Variants in UBE2G1 observed in about 807,000 individuals in gnomAD.
The protein encoded by UBE2G1 is ubiquitin-conjugating enzyme E2 G1.
In UBE2G1, 5 loss-of-function variants were observed where a neutral mutation model predicts 22.7. The ratio of observed to expected loss-of-function variants is 0.22; its 90% confidence interval spans 0.12 to 0.46. The LOEUF is 0.46. Ranked by LOEUF, UBE2G1 falls within the 20% of genes least tolerant of loss-of-function variation. The pLI, the probability that UBE2G1 is intolerant of heterozygous loss-of-function variation, is 0.99. For synonymous variants in UBE2G1, 74 were observed against 67.5 expected (o/e 1.10, Z -0.47); for missense variants, 88 against 203.9 (o/e 0.43, Z 3.46).
intron 1 of UBE2G1, among the ~76,000 whole-genome samples, chr17:4,310,812 C>T (rs949178412): frequency 6.6e-6 from 1 of 151,894 alleles, no homozygotes; most frequent in African/African-American, 2.4e-5. Context: ...AAGTGTACCT[C>T]GAGTATATAG....
chr17:4,346,881 G>A (rs1009336801), intron 1 of UBE2G1, among the ~76,000 whole-genome samples: 5 of 151,972 alleles, frequency 3.3e-5, no homozygotes, highest in East Asian at 1.9e-4. Context: ...GATCAGACGC[G>A]GTGGCTCATG....
Position 4,279,777 on chromosome 17 carries a change from A to C in UBE2G1, c.*37+3021T>G, listed in dbSNP as rs1307591372. Among the ~76,000 whole-genome samples, 39 of 96,622 alleles carry C rather than the reference A, an allele frequency of 4.0e-4. No homozygotes were observed. The East Asian group carries it at 4.9e-3, about 12-fold the overall frequency. The allele number at this position is 96,622 out of a possible 152,430, so 63.4% of individuals were successfully genotyped here. A position where few individuals can be genotyped will look rare whatever the true frequency, so the allele number is the denominator to read the frequency against. On this transcript the variant is annotated intron_variant, in intron 5 of 5. Coordinates refer to ENST00000396981, the MANE Select transcript of UBE2G1 (RefSeq NM_003342.5). ...GCGACACAGCGAAACTCTGCCCCCA[A>C]AAAAAAGTTATATATATATATATAT...
rs970688282 is a variant in UBE2G1 at position 4,331,408 on chromosome 17, T to C, written c.47-24285A>G. On this transcript the variant is annotated intron_variant, in intron 1 of 5. Transcript: ENST00000396981. Reference sequence around the variant, plus strand: ...AGTAGCAGCATATGAAGGAATGCTATGCATCTATTTAAAATACTTTACAAG... The same window carrying C: ...AGTAGCAGCATATGAAGGAATGCTACGCATCTATTTAAAATACTTTACAAG... Among the ~76,000 whole-genome samples, 3 of 152,202 alleles carry C rather than the reference T, an allele frequency of 2.0e-5. No homozygotes were observed. The South Asian group carries it at 6.2e-4, about 31-fold the overall frequency.
intron 1 of UBE2G1, among the ~76,000 whole-genome samples, chr17:4,329,867 CTT>C (rs1489405769): frequency 2.0e-5 from 3 of 150,208 alleles, no homozygotes; most frequent in African/African-American, 7.4e-5. Flanking sequence ...GTAAGGTTCT[CTT>C]AGACTAAAAC....
intron 3 of UBE2G1, among the ~76,000 whole-genome samples, chr17:4,292,556 T>A (rs1969054681): frequency 6.6e-6 from 1 of 152,166 alleles, no homozygotes; most frequent in Admixed American, 6.5e-5. Context: ...GATAGCATAT[T>A]TATTCTCCTG....
intron 1 of UBE2G1, among the ~76,000 whole-genome samples, chr17:4,360,702 G>A (rs958358378): frequency 1.3e-5 from 2 of 151,304 alleles, no homozygotes; most frequent in Admixed American, 6.6e-5. Flanking sequence ...GCCTAAGACC[G>A]GGAGTTCAAG....
At chr17:4,326,028 AAG>A (rs1969501297) in intron 1 of UBE2G1, among the ~76,000 whole-genome samples, 1 of 152,204 alleles carries the variant, frequency 6.6e-6, no homozygotes, top group African/African-American at 2.4e-5. Flanking sequence ...GCGAAAAAAT[AAG>A]AGAAAATCTT....
chr17:4,345,082 A>T (rs1250919140), intron 1 of UBE2G1, among the ~76,000 whole-genome samples: 1 of 152,190 alleles, frequency 6.6e-6, no homozygotes, highest in African/African-American at 2.4e-5. Flanking sequence ...ATGATGTCAC[A>T]TTAAAGCAAG....
chr17:4,298,618 T>C (rs1969138063), intron 2 of UBE2G1, among the ~76,000 whole-genome samples: 1 of 152,100 alleles, frequency 6.6e-6, no homozygotes. Flanking sequence ...ACTCAGAGTA[T>C]AAAGTCAGTG....
chr17:4,290,883 C>G (rs1969028434), intron 3 of UBE2G1, among the ~76,000 whole-genome samples: 1 of 149,740 alleles, frequency 6.7e-6, no homozygotes, highest in Non-Finnish European at 1.5e-5. Flanking sequence ...CCGACAAATA[C>G]TTTTTCAATG....
chr17:4,330,123 G>A (rs988178428), intron 1 of UBE2G1, among the ~76,000 whole-genome samples: 4 of 151,866 alleles, frequency 2.6e-5, no homozygotes, highest in African/African-American at 9.7e-5. Context: ...ATGCATCTAC[G>A]AAGTTTTACA....
At chr17:4,306,513 T>C (rs747525790) in intron 2 of UBE2G1, among the ~76,000 whole-genome samples, 2 of 151,876 alleles carry the variant, frequency 1.3e-5, no homozygotes, top group South Asian at 2.1e-4. Context: ...TTAATAGCAA[T>C]AGGTCTTAGA....
chr17:4,295,449 C>T (rs1969098698), intron 3 of UBE2G1, among the ~76,000 whole-genome samples: 2 of 152,212 alleles, frequency 1.3e-5, no homozygotes, highest in South Asian at 2.1e-4. Context: ...CAAGCCTTGG[C>T]TTCTATTACG....
At chr17:4,336,557 G>C (rs191568934) in intron 1 of UBE2G1, among the ~76,000 whole-genome samples, 1 of 151,850 alleles carries the variant, frequency 6.6e-6, no homozygotes, top group African/African-American at 2.4e-5. Context: ...TTGAGACAGG[G>C]TCTTGCTCTG....
chr17:4,303,128 CAT>C (rs1200296604), intron 2 of UBE2G1, among the ~76,000 whole-genome samples: 1 of 152,004 alleles, frequency 6.6e-6, no homozygotes, highest in Non-Finnish European at 1.5e-5. Flanking sequence ...TGCTAGAAGA[CAT>C]GTGAAGATAT....
intron 1 of UBE2G1, among the ~76,000 whole-genome samples, chr17:4,356,754 A>G (rs911035748): frequency 3.3e-5 from 5 of 152,228 alleles, no homozygotes; most frequent in African/African-American, 1.2e-4. Flanking sequence ...CTTAAACTAC[A>G]GGTTTCTCTA....
intron 1 of UBE2G1, among the ~76,000 whole-genome samples, chr17:4,356,880 T>C (rs1969911824): frequency 6.6e-6 from 1 of 152,174 alleles, no homozygotes; most frequent in Admixed American, 6.6e-5. Flanking sequence ...TGGTTACAGG[T>C]GACTTTTTTT....
intron 3 of UBE2G1, 129 bp downstream of exon 3, chr17:4,296,588 G>C (rs1969115371): frequency 1.3e-5 from 12 of 924,070 alleles, no homozygotes; most frequent in Non-Finnish European, 2.1e-5. Context: ...ACACAGCCAT[G>C]TGCACAATGA....
chr17:4,278,857 A>T (rs1968850806), intron 5 of UBE2G1, among the ~76,000 whole-genome samples: 1 of 152,246 alleles, frequency 6.6e-6, no homozygotes, highest in African/African-American at 2.4e-5. Flanking sequence ...GAGATATCAA[A>T]CATGAAAACA....
Sources: gnomAD v4.1 joint callset for allele counts (sites outside exome capture counted in the v4.1 genomes callset) on GRCh38, gnomAD v4.1.1 for gene constraint, MANE v1.5 for transcripts, NCBI Gene and HGNC (gene_info 2026-07-23, HGNC 2026-07-21) for gene names.